The following NCK1 variants were observed in gnomAD, a reference collection of about 807,000 sequenced individuals.
NCK1 encodes NCK adaptor protein 1, also known as SH2/SH3 adapter protein NCK1.
A neutral mutation model predicts 36.6 loss-of-function variants in NCK1; 19 were observed. The ratio of observed to expected loss-of-function variants is 0.52; its 90% CI spans 0.36 to 0.76. The LOEUF (loss-of-function observed/expected upper bound fraction) is 0.76. NCK1 is among the 30% of genes least tolerant of loss of function. NCK1 has a pLI of 0.00. For missense variants in NCK1, 358 were observed against 445.6 expected (o/e 0.80, Z 1.77); for synonymous variants, 165 against 156.0 (o/e 1.06, Z -0.43).
chr3:136,917,122 A>G (rs989434618), intron 1 of NCK1, among the ~76,000 whole-genome samples: 6 of 152,044 alleles, frequency 3.9e-5, no homozygotes, highest in East Asian at 1.9e-4. Flanking sequence ...TGTGAGAACA[A>G]TGTGGCATGT....
At chr3:136,876,035 A>G (rs1449217500) in intron 1 of NCK1, among the ~76,000 whole-genome samples, 1 of 151,630 alleles carries the variant, frequency 6.6e-6, no homozygotes, top group African/African-American at 2.4e-5. Context: ...AAACTGAACA[A>G]CCTGCTCCTG....
At chr3:136,863,073 G>GTTT (rs3076203) in intron 1 of NCK1, among the ~76,000 whole-genome samples, 3 of 151,676 alleles carry the variant, frequency 2.0e-5, no homozygotes, top group Non-Finnish European at 1.5e-5. Context: ...AGGAAGCTGG[G>GTTT]TTTTGTTCAG....
At chr3:136,899,685 G>A in intron 1 of NCK1, 1 of 752,530 alleles carries the variant, frequency 1.3e-6, no homozygotes. Flanking sequence ...ATAATCACTG[G>A]CTACACTGCA....
At chr3:136,905,108 G>T (rs1939650372) in intron 1 of NCK1, among the ~76,000 whole-genome samples, 1 of 151,466 alleles carries the variant, frequency 6.6e-6, no homozygotes, top group South Asian at 2.1e-4. Context: ...CACCTCCCAG[G>T]TTCAAGTGAT....
In NCK1 at chr3:136,867,221, TTCC is replaced by T. The variant is rs1560028712; in HGVS notation, c.-19+4869_-19+4871del. Among the ~76,000 whole-genome samples the T allele has an allele frequency of 6.4e-5, 8 of 125,346 alleles. 2 individuals are homozygous for T. The highest frequency in any genetic ancestry group is 2.4e-4 in the East Asian group (1 of 4,106). 82.2% of individuals were successfully genotyped at this position (125,346 alleles called of 152,430 possible). A position where few individuals can be genotyped will look rare whatever the true frequency, so the allele number is the denominator to read the frequency against. On this transcript the variant is annotated intron_variant, in intron 1 of 3. Coordinates refer to ENST00000481752, the MANE Select transcript of NCK1 (RefSeq NM_001291999.2). ...TCTTTTCCCTTCCTTCCTTCCTTCC[TTCC>T]GTCCATCCATCCGTCTGTCCGTCCG...
intron 1 of NCK1, among the ~76,000 whole-genome samples, chr3:136,908,230 G>T (rs531670901): frequency 8.5e-5 from 13 of 152,232 alleles, no homozygotes; most frequent in Middle Eastern, 3.4e-3. Flanking sequence ...GTATCACTTC[G>T]TCATATTAAC....
intron 1 of NCK1, among the ~76,000 whole-genome samples, chr3:136,891,426 C>A (rs896845954): frequency 6.6e-6 from 1 of 152,238 alleles, no homozygotes; most frequent in South Asian, 2.1e-4. Context: ...TGAGCCACCA[C>A]GCCTGGCCTG....
chr3:136,866,284 C>T (rs934499879), intron 1 of NCK1, among the ~76,000 whole-genome samples: 9 of 151,564 alleles, frequency 5.9e-5, no homozygotes, highest in South Asian at 2.1e-4. Flanking sequence ...TTTGTACCTT[C>T]GTATCATTCC....
At chr3:136,914,044 AAG>A (rs1939896024) in intron 1 of NCK1, among the ~76,000 whole-genome samples, 1 of 152,220 alleles carries the variant, frequency 6.6e-6, no homozygotes, top group Admixed American at 6.5e-5. Context: ...AAAAGGGAGA[AAG>A]AGAAAAATGA....
At chr3:136,897,671 A>G (rs1174334121) in intron 1 of NCK1, among the ~76,000 whole-genome samples, 1 of 152,142 alleles carries the variant, frequency 6.6e-6, no homozygotes, top group African/African-American at 2.4e-5. Flanking sequence ...CATTCAGCAG[A>G]TTGTCTCTTC....
In NCK1 at chr3:136,948,430, T is replaced by C. The variant is rs527825012; in HGVS notation, c.1111T>C (p.Tyr371His). Reference sequence around the variant, plus strand: ...TACAAGTGAACAAGGAGAAAAATTATATCTTGTCAAGCATTTATCATGATA... The same window carrying C: ...TACAAGTGAACAAGGAGAAAAATTACATCTTGTCAAGCATTTATCATGATA... ...IFTSEQGEKL[Y>H]LVKHLS Residue 371 changes from tyrosine (Y) to histidine (H), a missense_variant, in exon 4 of 4, where the codon TAT (tyrosine) becomes CAT (histidine). Coordinates refer to ENST00000481752, the MANE Select transcript of NCK1 (RefSeq NM_001291999.2). 20 of 1,612,540 alleles carry C rather than the reference T, an allele frequency of 1.2e-5. No individual in the cohort carries two copies. In the South Asian group the frequency reaches 1.9e-4, roughly 15 times the overall value.
chr3:136,937,513 G>A (rs537497763), intron 2 of NCK1, among the ~76,000 whole-genome samples: 1 of 152,234 alleles, frequency 6.6e-6, no homozygotes, highest in South Asian at 2.1e-4. Context: ...AAACAAAATG[G>A]TTGAACTTTA....
intron 1 of NCK1, among the ~76,000 whole-genome samples, chr3:136,900,547 A>G (rs1042060754): frequency 2.0e-5 from 3 of 152,012 alleles, no homozygotes; most frequent in Admixed American, 2.0e-4. Flanking sequence ...GTTAATTCTT[A>G]TTCTTGAGCA....
chr3:136,938,763 G>T (rs1449754199), intron 2 of NCK1, among the ~76,000 whole-genome samples: 1 of 152,212 alleles, frequency 6.6e-6, no homozygotes, highest in Non-Finnish European at 1.5e-5. Flanking sequence ...ACAGGGTTGT[G>T]TAGTGATTGG....
chr3:136,930,518 A>T (rs1241463262), intron 2 of NCK1: 1 of 1,417,476 alleles, frequency 7.1e-7, no homozygotes, highest in Admixed American at 2.6e-5. Context: ...AATTATCCTG[A>T]GCTGTGTTAA....
intron 1 of NCK1, among the ~76,000 whole-genome samples, chr3:136,908,685 A>T (rs962787149): frequency 6.6e-6 from 1 of 152,174 alleles, no homozygotes; most frequent in Non-Finnish European, 1.5e-5. Context: ...CTGACAATAT[A>T]TATTTTTTAC....
chr3:136,863,209 A>T (rs1576933100), intron 1 of NCK1, among the ~76,000 whole-genome samples: 1 of 152,200 alleles, frequency 6.6e-6, no homozygotes, highest in South Asian at 2.1e-4. Flanking sequence ...TAGGTTAAAG[A>T]GAATTTCCTA....
At chr3:136,929,683 G>T (rs182459225) in intron 2 of NCK1, among the ~76,000 whole-genome samples, 5 of 152,096 alleles carry the variant, frequency 3.3e-5, no homozygotes, top group Non-Finnish European at 7.4e-5. Flanking sequence ...ATAGTGATAC[G>T]TGCACAGGGT....
intron 2 of NCK1, among the ~76,000 whole-genome samples, chr3:136,936,395 C>T (rs1315518442): frequency 6.6e-6 from 1 of 152,158 alleles, no homozygotes; most frequent in Non-Finnish European, 1.5e-5. Context: ...CTCATCTGTT[C>T]ATAGATGGAC....
Sources: allele counts gnomAD v4.1 joint callset (sites outside exome capture counted in the v4.1 genomes callset), GRCh38; gene constraint gnomAD v4.1.1; transcripts MANE v1.5; gene names NCBI Gene and HGNC (gene_info 2026-07-23, HGNC 2026-07-21).